The following NKAIN2 variants were observed in gnomAD, a reference collection of about 807,000 sequenced individuals.
NKAIN2 encodes sodium/potassium transporting ATPase interacting 2, also known as sodium/potassium-transporting ATPase subunit beta-1-interacting protein 2.
In NKAIN2, 14 loss-of-function variants were observed where a neutral mutation model predicts 32.6. That is an observed-to-expected ratio of 0.43 (90% CI 0.28 to 0.67). NKAIN2 has a LOEUF of 0.67. Ranked by LOEUF, NKAIN2 falls within the 30% of genes least tolerant of loss-of-function variation. The pLI, the probability that NKAIN2 is intolerant of heterozygous loss-of-function variation, is 0.17. For synonymous variants in NKAIN2, 80 were observed against 87.2 expected (o/e 0.92, Z 0.46); for missense variants, 198 against 258.3 (o/e 0.77, Z 1.60).
chr6:124,162,363 G>C (rs1788325539), intron 1 of NKAIN2, among the ~76,000 whole-genome samples: 1 of 151,974 alleles, frequency 6.6e-6, no homozygotes, highest in South Asian at 2.1e-4. Context: ...TTCTATTTTT[G>C]TGACAGTTAA....
At chr6:124,532,985 A>C (rs1324306763) in intron 3 of NKAIN2, among the ~76,000 whole-genome samples, 2 of 152,094 alleles carry the variant, frequency 1.3e-5, no homozygotes, top group African/African-American at 4.8e-5. Context: ...CCTGGTGATG[A>C]GGCGCTGTGC....
intron 3 of NKAIN2, among the ~76,000 whole-genome samples, chr6:124,633,102 T>C (rs1366004355): frequency 2.0e-5 from 3 of 152,228 alleles, no homozygotes; most frequent in African/African-American, 7.2e-5. Flanking sequence ...ATACCAAATA[T>C]AGTGATTTGG....
chr6:124,788,481 T>C (rs1779601674), intron 4 of NKAIN2, among the ~76,000 whole-genome samples: 1 of 152,078 alleles, frequency 6.6e-6, no homozygotes, highest in African/African-American at 2.4e-5. Context: ...AGAAGTTAAA[T>C]TGACTCACAC....
At chr6:124,727,222 C>T (rs1776373236) in intron 4 of NKAIN2, among the ~76,000 whole-genome samples, 1 of 151,616 alleles carries the variant, frequency 6.6e-6, no homozygotes, top group Non-Finnish European at 1.5e-5. Context: ...CAAAGATACT[C>T]CTCGAGAAGA....
rs141542620 is a variant in NKAIN2 at position 124,463,137 on chromosome 6, G to A, written c.273+107790G>A. On this transcript the variant is annotated intron_variant, in intron 3 of 6. Coordinates refer to ENST00000368417, the MANE Select transcript of NKAIN2 (RefSeq NM_001040214.3). ...ATTTTTAGATAAAGCTGAGATTTACGTGAATTAAAAAACTAAGTGTGTGTG... is the reference window on the plus strand; with the variant it reads ...ATTTTTAGATAAAGCTGAGATTTACATGAATTAAAAAACTAAGTGTGTGTG... 9.1e-3 allele frequency among the ~76,000 whole-genome samples: 1,378 copies of A among 152,004 alleles called. 20 individuals carry two copies. Among genetic ancestry groups the A allele is most frequent in the African/African-American group, 0.032 (1,316 of 41,480 alleles).
chr6:123,876,686 G>A (rs1053118079), intron 1 of NKAIN2, among the ~76,000 whole-genome samples: 1 of 152,198 alleles, frequency 6.6e-6, no homozygotes, highest in Admixed American at 6.5e-5. Context: ...CAGTCAAGCA[G>A]AGAGTGAATT....
At chr6:123,961,502 G>A (rs1043824576) in intron 1 of NKAIN2, among the ~76,000 whole-genome samples, 50 of 152,172 alleles carry the variant, frequency 3.3e-4, no homozygotes, top group African/African-American at 1.2e-3. Context: ...ATGTCTGTAG[G>A]CATATGCAAA....
intron 3 of NKAIN2, among the ~76,000 whole-genome samples, chr6:124,413,016 G>T (rs565538419): frequency 2.0e-5 from 3 of 152,146 alleles, no homozygotes; most frequent in Non-Finnish European, 2.9e-5. Context: ...TGTTAAGCCC[G>T]TTGGAAAAGT....
At chr6:124,646,091 T>C (rs954340059) in intron 3 of NKAIN2, among the ~76,000 whole-genome samples, 3 of 152,212 alleles carry the variant, frequency 2.0e-5, no homozygotes, top group African/African-American at 7.2e-5. Context: ...GAATATTGTT[T>C]ATAGACAATA....
chr6:124,499,257 A>G (rs1341880874), intron 3 of NKAIN2, among the ~76,000 whole-genome samples: 1 of 152,198 alleles, frequency 6.6e-6, no homozygotes, highest in African/African-American at 2.4e-5. Flanking sequence ...ACAGTTAGAC[A>G]TATGCCCTGA....
rs369635655 is a variant in NKAIN2, at chr6:123,850,351, A to T, written c.54+46097A>T. Among the ~76,000 whole-genome samples the T allele has an allele frequency of 9.7e-3, 1,027 of 105,440 alleles. 15 individuals carry two copies. The highest frequency in any genetic ancestry group is 0.041 in the Admixed American group (442 of 10,714). 69.2% of individuals were successfully genotyped at this position (105,440 alleles called of 152,430 possible). On this transcript the variant is annotated intron_variant, in intron 1 of 6. Transcript: ENST00000368417. ...ACACTTGCAAGCTGCTGAAAAAAAA[A>T]AAAAATATATATATATATATACACA...
intron 1 of NKAIN2, among the ~76,000 whole-genome samples, chr6:124,082,311 A>G (rs565671622): frequency 6.6e-6 from 1 of 152,250 alleles, no homozygotes; most frequent in Admixed American, 6.6e-5. Context: ...CAATTGCTTA[A>G]TGCTATAGGC....
Position 124,707,114 on chromosome 6 carries a change from G to A in NKAIN2, c.474+48728G>A, listed in dbSNP as rs1775127117. 2.6e-5 allele frequency among the ~76,000 whole-genome samples: 4 copies of A among 151,322 alleles called. No homozygotes were observed. The South Asian group carries it at 8.4e-4, about 32-fold the overall frequency. On this transcript the variant is annotated intron_variant, in intron 4 of 6. Coordinates refer to ENST00000368417, the MANE Select transcript of NKAIN2 (RefSeq NM_001040214.3). ...TGTTTGGTTTTTTGTTCTTGCGATA[G>A]TTTACTGAGAATGATGATTTCTAAT...
intron 1 of NKAIN2, among the ~76,000 whole-genome samples, chr6:124,095,919 GTGT>G (rs1329729309): frequency 1.3e-5 from 2 of 152,162 alleles, no homozygotes; most frequent in East Asian, 3.9e-4. Flanking sequence ...GCATGTGATA[GTGT>G]ACATGTGTAT....
At chr6:124,096,412 A>G (rs1440526102) in intron 1 of NKAIN2, among the ~76,000 whole-genome samples, 1 of 152,048 alleles carries the variant, frequency 6.6e-6, no homozygotes, top group African/African-American at 2.4e-5. Flanking sequence ...GGCTTTACCA[A>G]CCCCTGTTAT....
chr6:124,682,361 T>G (rs2114507644), intron 4 of NKAIN2, among the ~76,000 whole-genome samples: 1 of 152,236 alleles, frequency 6.6e-6, no homozygotes, highest in Admixed American at 6.5e-5. Flanking sequence ...GCTGGCACTA[T>G]ATAATTGAAA....
intron 3 of NKAIN2, among the ~76,000 whole-genome samples, chr6:124,623,054 G>A (rs1309233632): frequency 6.6e-6 from 1 of 152,004 alleles, no homozygotes; most frequent in Non-Finnish European, 1.5e-5. Context: ...GCATTTCCCT[G>A]CCTCCTGTCT....
intron 3 of NKAIN2, among the ~76,000 whole-genome samples, chr6:124,644,608 G>C (rs1784104418): frequency 6.6e-6 from 1 of 152,064 alleles, no homozygotes; most frequent in East Asian, 1.9e-4. Context: ...GTTTCACCAT[G>C]TTAGCCAGGA....
At chr6:124,556,168 T>C (rs1382495307) in intron 3 of NKAIN2, among the ~76,000 whole-genome samples, 1 of 152,156 alleles carries the variant, frequency 6.6e-6, no homozygotes, top group Non-Finnish European at 1.5e-5. Context: ...TTTATCCTAC[T>C]TTCTCCTTAT....
Sources: allele counts gnomAD v4.1 joint callset (sites outside exome capture counted in the v4.1 genomes callset), GRCh38; gene constraint gnomAD v4.1.1; transcripts MANE v1.5; gene names NCBI Gene and HGNC (gene_info 2026-07-23, HGNC 2026-07-21).